TEAD3: variants seen among roughly 807,000 people sequenced by gnomAD.
TEAD3 encodes the protein TEA domain transcription factor 3.
Under a neutral mutation model 55.6 loss-of-function variants are expected in TEAD3, and 15 were observed. The observed-to-expected ratio is 0.27, with a 90% CI of 0.18 to 0.42. The LOEUF is 0.42. Among genes scored for constraint, TEAD3 ranks in the 10% least tolerant of loss-of-function variants. TEAD3 has a pLI of 1.00. For synonymous variants in TEAD3, 210 were observed against 232.2 expected (o/e 0.90, Z 0.87); for missense variants, 407 against 576.8 (o/e 0.71, Z 3.01).
At chr6:35,478,015 T>A (rs1484607617) in intron 7 of TEAD3, among the ~76,000 whole-genome samples, 1 of 142,974 alleles carries the variant, frequency 7.0e-6, no homozygotes, top group Non-Finnish European at 1.5e-5. Flanking sequence ...CACACCCAGC[T>A]AATTTTTTTT....
chr6:35,490,274 G>C (rs1302468197), intron 1 of TEAD3, among the ~76,000 whole-genome samples: 1 of 152,184 alleles, frequency 6.6e-6, no homozygotes, highest in Non-Finnish European at 1.5e-5. Context: ...CAGCAGGCTT[G>C]GGAGCTGGGA....
chr6:35,480,010 C>T (rs770894706), intron 4 of TEAD3: 83 of 1,426,546 alleles, frequency 5.8e-5, no homozygotes, highest in South Asian at 2.4e-4. Flanking sequence ...GACAGGCCTG[C>T]ACCCAGGAGG....
Position 35,483,664 on chromosome 6 carries a change from C to T in TEAD3, c.267+896G>A, listed in dbSNP as rs543262670. ...CCGGCTGCTTGAGGGCCTTCCTCAA[C>T]AGCTGCCACCTGTCACTCCCTGCTC... is the stretch of plus-strand genomic sequence containing the variant. On this transcript the variant is annotated intron_variant, in intron 3 of 12. Transcript: ENST00000639578. This position sits in a 1 kb window ranked among gnomAD's most constrained non-coding sequence, Gnocchi z 4.5. Among the ~76,000 whole-genome samples the T allele has an allele frequency of 6.6e-6, 1 of 152,140 alleles. No homozygotes were observed. The highest frequency in any genetic ancestry group is 1.9e-4 in the East Asian group (1 of 5,196).
In TEAD3 at chr6:35,484,747, C is replaced by A; in HGVS notation, c.203-123G>T. ...CAAAACACTGCTCTTCTGTTCCTCA[C>A]TCTCTTCACCCCAAGCTGCACATGC... On this transcript the variant is annotated intron_variant, in intron 2 of 12. Transcript: ENST00000639578. This position sits in a 1 kb window ranked among gnomAD's most constrained non-coding sequence, Gnocchi z 5.8. The A allele has an allele frequency of 1.2e-6, 1 of 836,392 alleles. No homozygotes were observed. Among genetic ancestry groups the A allele is most frequent in the Non-Finnish European group, 1.9e-6 (1 of 513,500 alleles). 51.8% of individuals were successfully genotyped at this position (836,392 alleles called of 1,614,324 possible). A position where few individuals can be genotyped will look rare whatever the true frequency, so the allele number is the denominator to read the frequency against.
intron 3 of TEAD3, among the ~76,000 whole-genome samples, 179 bp from the exon 4 acceptor site, chr6:35,480,553 T>C (rs1338332100): frequency 3.9e-5 from 6 of 152,170 alleles, no homozygotes; most frequent in Non-Finnish European, 7.3e-5. Context: ...GATCTCAAAC[T>C]CCTGGGCTCA....
At chr6:35,490,546 G>A (rs538887655) in intron 1 of TEAD3, among the ~76,000 whole-genome samples, 23 of 152,320 alleles carry the variant, frequency 1.5e-4, no homozygotes, top group Middle Eastern at 3.4e-3. Flanking sequence ...GCGAGTGCTC[G>A]GGAGGACAAC....
intron 4 of TEAD3, among the ~76,000 whole-genome samples, chr6:35,479,856 G>T (rs1308094136): frequency 6.6e-6 from 1 of 152,242 alleles, no homozygotes; most frequent in Non-Finnish European, 1.5e-5. Context: ...GAAGAGGAGG[G>T]GTGGGCCTTA....
chr6:35,488,524 G>A lies in TEAD3; in HGVS notation c.-49-1813C>T, dbSNP rs191265443. Among the ~76,000 whole-genome samples, 271 of 152,108 alleles carry A rather than the reference G, an allele frequency of 1.8e-3. No homozygotes were observed. Among genetic ancestry groups the A allele is most frequent in the Non-Finnish European group, 2.1e-3 (142 of 67,980 alleles). ...GCAGGGAAAGGGGAGGGGTGGAGAT[G>A]TAGGGGACACCGTCAGAAGCCAGGG... On this transcript the variant is annotated intron_variant, in intron 1 of 12. Transcript: ENST00000639578. The surrounding 1 kb of genome is among the most constrained non-coding windows in gnomAD (Gnocchi z 4.2).
chr6:35,482,005 G>T (rs1253284738), intron 3 of TEAD3, among the ~76,000 whole-genome samples: 2 of 152,096 alleles, frequency 1.3e-5, no homozygotes, highest in Non-Finnish European at 2.9e-5. Flanking sequence ...CTTTTTTTGA[G>T]ATGGAGTCTC....
chr6:35,482,429 T>G (rs1768283649), intron 3 of TEAD3, among the ~76,000 whole-genome samples: 1 of 152,186 alleles, frequency 6.6e-6, no homozygotes, highest in African/African-American at 2.4e-5. Flanking sequence ...GTTTCATCCT[T>G]GTACCTTATG....
At chr6:35,479,232 G>T in intron 5 of TEAD3, 73 bp downstream of exon 5, 1 of 1,578,218 alleles carries the variant, frequency 6.3e-7, no homozygotes. Flanking sequence ...TTCATAATCT[G>T]TCATTTGAAA....
chr6:35,484,297 C>A lies in TEAD3; in HGVS notation c.267+263G>T, dbSNP rs1768322947. On this transcript the variant is annotated intron_variant, in intron 3 of 12. Transcript: ENST00000639578. The surrounding 1 kb of genome is among the most constrained non-coding windows in gnomAD (Gnocchi z 5.8). ...CGTGGGCTTATCTGTGGTCCCTGAA[C>A]CACAGGCCCTGGGCAGGGTAGTAGG... Among the ~76,000 whole-genome samples the A allele has an allele frequency of 6.6e-6, 1 of 152,206 alleles. No individual in the cohort carries two copies. The highest frequency in any genetic ancestry group is 2.4e-5 in the African/African-American group (1 of 41,444).
In TEAD3 at chr6:35,488,773, G is replaced by T. The variant is rs926033430; in HGVS notation, c.-49-2062C>A. 6.6e-6 allele frequency among the ~76,000 whole-genome samples: 1 copy of T among 152,074 alleles called. No homozygotes were observed. The highest frequency in any genetic ancestry group is 1.5e-5 in the Non-Finnish European group (1 of 68,018). ...GAGTCTTGCTCTGTCGCCCAGGCTAGAGTGCAATGGCGCGATCTCTGCTCA... is the reference window on the plus strand; with the variant it reads ...GAGTCTTGCTCTGTCGCCCAGGCTATAGTGCAATGGCGCGATCTCTGCTCA... On this transcript the variant is annotated intron_variant, in intron 1 of 12. Transcript: ENST00000639578. The surrounding 1 kb of genome is among the most constrained non-coding windows in gnomAD (Gnocchi z 4.2).
Position 35,475,115 on chromosome 6 carries a change from C to T in TEAD3, c.1237G>A (p.Ala413Thr). ...CTGGTGGAGACTTCGAAGACAAAAG[C>T]AATGACAAGCAGGGTCTCCTGGGAG... is the stretch of plus-strand genomic sequence containing the variant. The change falls in exon 13 of 13, where the codon GCT becomes ACT. Residue 413 changes from alanine (A) to threonine (T), a missense_variant. Physicochemically the swap from Ala to Thr is moderately conservative, Grantham distance 58. Transcript: ENST00000639578. This position sits in a 1 kb window ranked among gnomAD's most constrained non-coding sequence, Gnocchi z 5.4. The T allele has an allele frequency of 6.3e-7, 1 of 1,593,958 alleles. No homozygotes were observed. Among genetic ancestry groups the T allele is most frequent in the Non-Finnish European group, 8.5e-7 (1 of 1,169,882 alleles).
At chr6:35,487,162 G>A (rs1352543863) in intron 1 of TEAD3, among the ~76,000 whole-genome samples, 1 of 152,228 alleles carries the variant, frequency 6.6e-6, no homozygotes, top group African/African-American at 2.4e-5. Flanking sequence ...GCTCATGCCT[G>A]TAATCCCAGC....
intron 1 of TEAD3, among the ~76,000 whole-genome samples, chr6:35,490,229 C>T (rs992428596): frequency 1.3e-5 from 2 of 152,210 alleles, no homozygotes; most frequent in Non-Finnish European, 2.9e-5. Context: ...CCCCGCCCCC[C>T]GCGGGAGCAC....
At chr6:35,481,022 C>T (rs1175005368) in intron 3 of TEAD3, among the ~76,000 whole-genome samples, 3 of 152,046 alleles carry the variant, frequency 2.0e-5, no homozygotes, top group Admixed American at 2.0e-4. Flanking sequence ...ACCACAGCCC[C>T]AGCCTATGAA....
chr6:35,487,863 T>TGAGGAGCACAGAGAG (rs1421406107), intron 1 of TEAD3, among the ~76,000 whole-genome samples: 1 of 152,240 alleles, frequency 6.6e-6, no homozygotes, highest in African/African-American at 2.4e-5. Context: ...AAAGGCATGC[T>TGAGGAGCACAGAGAG]GAGGAGCACA....
chr6:35,476,378 T>A (rs920441650), exon 9 of TEAD3: 4 of 1,612,740 alleles, frequency 2.5e-6, no homozygotes, highest in Non-Finnish European at 3.4e-6. Flanking sequence ...AATGGTACGG[T>A]CCTGCCACAC....
Sources: gnomAD v4.1 joint callset for allele counts (sites outside exome capture counted in the v4.1 genomes callset) on GRCh38, gnomAD v4.1.1 for gene constraint, Gnocchi (gnomAD v3.1) non-coding constraint, MANE v1.5 for transcripts, NCBI Gene and HGNC (gene_info 2026-07-23, HGNC 2026-07-21) for gene names.